The following SLC8A1 variants were observed in gnomAD, a reference collection of about 807,000 sequenced individuals.
SLC8A1 encodes the protein solute carrier family 8 member A1, also known as sodium/calcium exchanger 1.
Under a neutral mutation model 68.3 loss-of-function variants are expected in SLC8A1, and 18 were observed. The observed-to-expected ratio is 0.26, with a 90% CI of 0.18 to 0.39. The LOEUF (loss-of-function observed/expected upper bound fraction) is 0.39, where lower values mean the gene tolerates loss of function less well. Among genes scored for constraint, SLC8A1 ranks in the 10% least tolerant of loss-of-function variants. The pLI, the probability that SLC8A1 is intolerant of heterozygous loss-of-function variation, is 1.00. For missense variants in SLC8A1, 985 were observed against 1,156.7 expected, an observed-to-expected ratio of 0.85 and a Z score of 2.15; for synonymous variants, 475 against 415.5, an observed-to-expected ratio of 1.14 and a Z score of -1.74.
intron 2 of SLC8A1, among the ~76,000 whole-genome samples, chr2:40,226,289 G>A (rs780427608): frequency 1.3e-5 from 2 of 152,128 alleles, no homozygotes; most frequent in African/African-American, 4.8e-5. Flanking sequence ...ATTACATAAT[G>A]ATCCAAGGCT....
At chr2:40,327,807 C>T (rs1371302777) in intron 2 of SLC8A1, among the ~76,000 whole-genome samples, 1 of 151,980 alleles carries the variant, frequency 6.6e-6, no homozygotes, top group African/African-American at 2.4e-5. Context: ...TACTATGGTC[C>T]CTACCTGGGT....
chr2:40,427,771 T>C (rs535642227), intron 2 of SLC8A1, among the ~76,000 whole-genome samples: 37 of 152,280 alleles, frequency 2.4e-4, no homozygotes, highest in African/African-American at 8.9e-4. Flanking sequence ...AGAACCTTAT[T>C]TCTCTCTCCA....
intron 2 of SLC8A1, among the ~76,000 whole-genome samples, chr2:40,218,814 C>T (rs865884382): frequency 6.6e-6 from 1 of 152,052 alleles, no homozygotes; most frequent in South Asian, 2.1e-4. Flanking sequence ...ACACCTCTAT[C>T]GTTGGATGAA....
At chr2:40,202,035 TACACGTGGAGGTGTGTGC>T (rs1267260574) in intron 2 of SLC8A1, among the ~76,000 whole-genome samples, 1 of 152,030 alleles carries the variant, frequency 6.6e-6, no homozygotes, top group African/African-American at 2.4e-5. Context: ...CTGGTGTGTG[TACACGTGGAGGTGTGTGC>T]ACCCTAGACC....
At chr2:40,344,020 A>T (rs2149418585) in intron 2 of SLC8A1, among the ~76,000 whole-genome samples, 1 of 152,266 alleles carries the variant, frequency 6.6e-6, no homozygotes, top group East Asian at 1.9e-4. Flanking sequence ...TGAGCAAGAG[A>T]GTGTGTACGA....
In SLC8A1 at chr2:40,170,402, A is replaced by C; in HGVS notation, c.1930+4423T>G. ...GCAGAATGGATTGCATTGATTTGCT[A>C]TCAGAGCTTTGTGGAATTAGTAAGC... On this transcript the variant is annotated intron_variant, in intron 4 of 7. Transcript: ENST00000406785. 5 of 1,489,814 alleles carry C rather than the reference A, an allele frequency of 3.4e-6. No homozygotes were observed. In the Admixed American group the frequency reaches 5.0e-5, roughly 15 times the overall value. 92.3% of individuals were successfully genotyped at this position (1,489,814 alleles called of 1,614,324 possible). A position where few individuals can be genotyped will look rare whatever the true frequency, so the allele number is the denominator to read the frequency against.
intron 6 of SLC8A1, among the ~76,000 whole-genome samples, chr2:40,159,644 GA>G (rs1307106754): frequency 6.6e-6 from 1 of 152,150 alleles, no homozygotes; most frequent in East Asian, 1.9e-4. Flanking sequence ...AAATAAAAGA[GA>G]GTTTACCCCT....
At chr2:40,232,213 G>A (rs187338943) in intron 2 of SLC8A1, among the ~76,000 whole-genome samples, 67 of 152,226 alleles carry the variant, frequency 4.4e-4, no homozygotes, top group Non-Finnish European at 6.8e-4. Context: ...AGACATTTGT[G>A]CTCTACCTTC....
chr2:40,327,989 A>G (rs895545956), intron 2 of SLC8A1, among the ~76,000 whole-genome samples: 7 of 152,168 alleles, frequency 4.6e-5, no homozygotes, highest in African/African-American at 1.7e-4. Context: ...CCTGAAAATC[A>G]TATAATACAG....
intron 2 of SLC8A1, among the ~76,000 whole-genome samples, chr2:40,361,864 C>CAGATGTTT (rs1294560777): frequency 2.5e-4 from 34 of 136,706 alleles, no homozygotes; most frequent in African/African-American, 9.4e-4. Context: ...GCTAGATAGT[C>CAGATGTTT]AGATGTTTAT....
intron 2 of SLC8A1, among the ~76,000 whole-genome samples, chr2:40,298,230 T>C (rs1453188594): frequency 6.6e-6 from 1 of 152,202 alleles, no homozygotes; most frequent in African/African-American, 2.4e-5. Context: ...TGAGGCTAAT[T>C]AGTGTGGGTG....
intron 7 of SLC8A1, among the ~76,000 whole-genome samples, chr2:40,138,046 T>G (rs145540651): frequency 1.5e-3 from 232 of 152,302 alleles, no homozygotes; most frequent in African/African-American, 5.2e-3. Flanking sequence ...TTTATTAAAT[T>G]TTTTCTATGT....
chr2:40,186,734 C>G (rs1004083752), intron 2 of SLC8A1, among the ~76,000 whole-genome samples: 5 of 152,092 alleles, frequency 3.3e-5, no homozygotes, highest in African/African-American at 1.2e-4. Context: ...TACTTTCTAG[C>G]CAAGGTATTT....
chr2:40,224,576 T>C (rs917208009), intron 2 of SLC8A1, among the ~76,000 whole-genome samples: 5 of 152,006 alleles, frequency 3.3e-5, no homozygotes, highest in Non-Finnish European at 7.4e-5. Context: ...TCCACGGAAA[T>C]GAAAAAAATA....
At chr2:40,253,179 ATACATATATACACG>A (rs1303400366) in intron 2 of SLC8A1, among the ~76,000 whole-genome samples, 1 of 138,434 alleles carries the variant, frequency 7.2e-6, no homozygotes, top group African/African-American at 2.8e-5. Flanking sequence ...ACACACAAAT[ATACATATATACACG>A]TATATGTATA....
At chr2:40,343,283 C>T (rs886649491) in intron 2 of SLC8A1, among the ~76,000 whole-genome samples, 1 of 152,088 alleles carries the variant, frequency 6.6e-6, no homozygotes, top group Non-Finnish European at 1.5e-5. Context: ...ACTTCCACCT[C>T]GTCTTTTCTT....
chr2:40,233,672 A>G (rs1362643659), intron 2 of SLC8A1, among the ~76,000 whole-genome samples: 1 of 143,394 alleles, frequency 7.0e-6, no homozygotes, highest in Non-Finnish European at 1.5e-5. Context: ...GTCTTTGCCC[A>G]TGCCTATGTC....
intron 2 of SLC8A1, among the ~76,000 whole-genome samples, chr2:40,354,837 T>C (rs1208132694): frequency 1.3e-5 from 2 of 152,176 alleles, no homozygotes; most frequent in Non-Finnish European, 2.9e-5. Flanking sequence ...GCAGTGTTTA[T>C]TTTTTTACAA....
intron 2 of SLC8A1, among the ~76,000 whole-genome samples, chr2:40,180,252 T>G (rs556087066): frequency 1.3e-5 from 2 of 152,302 alleles, no homozygotes; most frequent in East Asian, 3.9e-4. Context: ...AAAATTATTC[T>G]GCTGTGACTA....
Sources: allele counts gnomAD v4.1 joint callset (sites outside exome capture counted in the v4.1 genomes callset), GRCh38; gene constraint gnomAD v4.1.1; transcripts MANE v1.5; gene names NCBI Gene and HGNC (gene_info 2026-07-23, HGNC 2026-07-21).